Variants in CCDC150 observed in about 807,000 individuals in gnomAD.
The protein encoded by CCDC150 is coiled-coil domain containing 150.
Under a neutral mutation model 156.5 loss-of-function variants are expected in CCDC150, and 151 were observed. The observed-to-expected ratio is 0.97, with a 90% CI of 0.85 to 1.10. The LOEUF (loss-of-function observed/expected upper bound fraction) is 1.10. CCDC150 is among the 50% of genes least tolerant of loss of function. CCDC150 has a pLI of 0.00. For missense variants in CCDC150, 1,312 were observed against 1,268.1 expected, an observed-to-expected ratio of 1.03 and a Z score of -0.53; for synonymous variants, 452 against 429.4, an observed-to-expected ratio of 1.05 and a Z score of -0.65.
At chr2:196,678,998 T>A (rs1694662729) in intron 13 of CCDC150, among the ~76,000 whole-genome samples, 1 of 152,244 alleles carries the variant, frequency 6.6e-6, no homozygotes, top group Non-Finnish European at 1.5e-5. Context: ...ATTTCATTCG[T>A]CTTAATGTAG....
At chr2:196,650,719 TC>T (rs1482538472) in intron 2 of CCDC150, among the ~76,000 whole-genome samples, 2 of 152,362 alleles carry the variant, frequency 1.3e-5, no homozygotes, top group Non-Finnish European at 2.9e-5. Flanking sequence ...AATTTTTGCA[TC>T]TGTGTTCAGG....
Position 196,639,751 on chromosome 2 carries a change from A to G in CCDC150, c.-16A>G. 6.4e-7 allele frequency: 1 copy of G among 1,568,830 alleles called. No homozygotes were observed. The highest frequency in any genetic ancestry group is 1.2e-5 in the South Asian group (1 of 84,594). On this transcript the variant is annotated 5_prime_UTR_variant, in exon 1 of 28. Coordinates refer to ENST00000389175, the MANE Select transcript of CCDC150 (RefSeq NM_001080539.2). Reference sequence around the variant, plus strand: ...AACCCGCTCGCCTGCTGCAGTACGGAGCCTCAGGCGGACAGATGGACTGTA... The same window carrying G: ...AACCCGCTCGCCTGCTGCAGTACGGGGCCTCAGGCGGACAGATGGACTGTA...
Position 196,722,442 on chromosome 2 carries a change from ATT to A in CCDC150, c.2429+765_2429+766del, listed in dbSNP as rs34157571. ...AGGCATGCATCACCACACCTGGCTA[ATT>A]TTTTTTTTTTTTTAAGAGATAGGGT... On this transcript the variant is annotated intron_variant, in intron 21 of 27. Coordinates refer to ENST00000389175, the MANE Select transcript of CCDC150 (RefSeq NM_001080539.2). Among the ~76,000 whole-genome samples, 1,374 of 145,892 alleles carry A rather than the reference ATT, an allele frequency of 9.4e-3. 3 individuals carry two copies. Among genetic ancestry groups the A allele is most frequent in the Non-Finnish European group, 0.012 (819 of 66,474 alleles).
At chr2:196,683,534 T>A (rs1453050326) in intron 13 of CCDC150, among the ~76,000 whole-genome samples, 1 of 152,086 alleles carries the variant, frequency 6.6e-6, no homozygotes, top group East Asian at 1.9e-4. Flanking sequence ...AACCATTTGG[T>A]AAGTATTCCC....
chr2:196,730,229 T>C, intron 25 of CCDC150, 111 bp downstream of exon 25: 1 of 894,368 alleles, frequency 1.1e-6, no homozygotes, highest in Non-Finnish European at 1.6e-6. Flanking sequence ...AACACACATT[T>C]ACAAATTGTT....
intron 15 of CCDC150, among the ~76,000 whole-genome samples, chr2:196,704,698 G>T (rs879650805): frequency 6.6e-6 from 1 of 151,814 alleles, no homozygotes; most frequent in Admixed American, 6.6e-5. Context: ...TATCCCTTCC[G>T]CTGCTCCCCA....
At chr2:196,727,204 G>C (rs1698257335) in intron 22 of CCDC150, 1 of 152,106 alleles carries the variant, frequency 6.6e-6, no homozygotes, top group African/African-American at 2.4e-5. Flanking sequence ...TCAGAAGTTT[G>C]AGACCAGCCT....
chr2:196,663,080 A>G (rs12990100), intron 5 of CCDC150, among the ~76,000 whole-genome samples: 82,706 of 151,754 alleles, frequency 0.55, 26,541 homozygotes, highest in East Asian at 0.8. Flanking sequence ...TCAACAACAA[A>G]TTTTTTAAAT....
chr2:196,650,927 A>T (rs998096186), intron 2 of CCDC150, among the ~76,000 whole-genome samples: 1 of 152,116 alleles, frequency 6.6e-6, no homozygotes, highest in African/African-American at 2.4e-5. Context: ...TTTATTTGAT[A>T]GGAGGAAACT....
At chr2:196,717,373 T>TGTGGCA (rs1575949361) in intron 17 of CCDC150, among the ~76,000 whole-genome samples, 1 of 152,324 alleles carries the variant, frequency 6.6e-6, no homozygotes, top group East Asian at 1.9e-4. Context: ...GTGTCTTGAC[T>TGTGGCA]GTGGCAGTGG....
intron 1 of CCDC150, among the ~76,000 whole-genome samples, chr2:196,640,977 T>C (rs1692187559): frequency 1.2e-5 from 1 of 82,188 alleles, no homozygotes; most frequent in African/African-American, 3.5e-5. Context: ...TTCTGTTTTT[T>C]GTTTTTTTGA....
chr2:196,689,910 G>T (rs1353589467), intron 13 of CCDC150, among the ~76,000 whole-genome samples: 1 of 152,078 alleles, frequency 6.6e-6, no homozygotes, highest in Non-Finnish European at 1.5e-5. Context: ...ATTATTTTGA[G>T]ATACATCCCA....
chr2:196,696,350 C>T (rs953457543), intron 14 of CCDC150, among the ~76,000 whole-genome samples: 1 of 152,008 alleles, frequency 6.6e-6, no homozygotes, highest in Non-Finnish European at 1.5e-5. Flanking sequence ...TAGCTGTAAT[C>T]CCTGGTATTA....
intron 15 of CCDC150, 110 bp from the exon 16 acceptor site, chr2:196,712,034 TA>T: frequency 2.8e-6 from 1 of 351,598 alleles, no homozygotes; most frequent in South Asian, 1.2e-4. Context: ...TTTTTTTTTT[TA>T]CAACTCATGA....
chr2:196,732,017 A>T lies in CCDC150; in HGVS notation c.3070-16A>T, dbSNP rs776142105. On this transcript the variant is annotated splice_polypyrimidine_tract_variant and intron_variant, in intron 26 of 27. Coordinates refer to ENST00000389175, the MANE Select transcript of CCDC150 (RefSeq NM_001080539.2). ...TCTTTCTTTGTGTCTTTTAATGGTG[A>T]TATTTATATGTTCAGATAACAGCTA... is the stretch of plus-strand genomic sequence containing the variant. The T allele has an allele frequency of 1.9e-6, 3 of 1,610,402 alleles. No homozygotes were observed. The South Asian group carries it at 3.3e-5, about 18-fold the overall frequency.
At chr2:196,665,750 A>G in intron 6 of CCDC150, 67 bp downstream of exon 6, 1 of 890,102 alleles carries the variant, frequency 1.1e-6, no homozygotes, top group Non-Finnish European at 1.7e-6. Context: ...TATTTTACCT[A>G]TAAACTTAAA....
At chr2:196,690,612 TA>T (rs879300596) in intron 13 of CCDC150, among the ~76,000 whole-genome samples, 81 of 145,916 alleles carry the variant, frequency 5.6e-4, no homozygotes, top group Non-Finnish European at 4.4e-4. Flanking sequence ...TAGTGAATAT[TA>T]AAAAAAAAAA....
At chr2:196,704,578 T>G (rs1012601349) in intron 15 of CCDC150, among the ~76,000 whole-genome samples, 1 of 152,168 alleles carries the variant, frequency 6.6e-6, no homozygotes, top group African/African-American at 2.4e-5. Context: ...TACTTTAAGT[T>G]CTAGGGTACA....
chr2:196,652,361 G>A (rs553103114), intron 2 of CCDC150, among the ~76,000 whole-genome samples: 5 of 152,298 alleles, frequency 3.3e-5, no homozygotes, highest in Non-Finnish European at 7.3e-5. Context: ...ATACAATGTG[G>A]TACAAACATT....
Sources: allele counts gnomAD v4.1 joint callset (sites outside exome capture counted in the v4.1 genomes callset), GRCh38; gene constraint gnomAD v4.1.1; transcripts MANE v1.5; gene names NCBI Gene and HGNC (gene_info 2026-07-23, HGNC 2026-07-21).